Variants in MFAP3 observed in about 807,000 individuals in gnomAD.
MFAP3 encodes microfibril associated protein 3, also known as microfibril-associated glycoprotein 3.
In MFAP3, 8 loss-of-function variants were observed where a neutral mutation model predicts 20.5. The observed-to-expected ratio is 0.39, with a 90% CI of 0.23 to 0.70. The LOEUF is 0.70. Ranked by LOEUF, MFAP3 falls within the 30% of genes least tolerant of loss-of-function variation. MFAP3 has a pLI of 0.44. For synonymous variants in MFAP3, 140 were observed against 154.0 expected, an observed-to-expected ratio of 0.91 and a Z score of 0.67; for missense variants, 398 against 444.6, an observed-to-expected ratio of 0.90 and a Z score of 0.94.
In MFAP3 at chr5:154,053,120, A is replaced by G. The variant is rs1057342779; in HGVS notation, c.496A>G (p.Asn166Asp). Reference protein sequence around the residue: ...LIAFTITLILNVTRLCMMSSH... With the variant: ...LIAFTITLILDVTRLCMMSSH... ...TGCCTTTACAATCACACTCATCTTG[A>G]ATGTCACACGGCTGTGCATGATGAG... Residue 166 changes from asparagine to aspartate, a missense_variant, in exon 3 of 3, where the codon AAT (asparagine) becomes GAT (aspartate). Physicochemically the swap from Asn to Asp is conservative, Grantham distance 23. Coordinates refer to ENST00000522782, the MANE Select transcript of MFAP3 (RefSeq NM_005927.5). The G allele has an allele frequency of 3.1e-6, 5 of 1,613,880 alleles. No individual in the cohort carries two copies. Among genetic ancestry groups the G allele is most frequent in the Admixed American group, 1.7e-5 (1 of 59,954 alleles).
At chr5:154,046,882 C>T (rs1773081394) in intron 1 of MFAP3, among the ~76,000 whole-genome samples, 3 of 152,146 alleles carry the variant, frequency 2.0e-5, no homozygotes, top group South Asian at 2.1e-4. Flanking sequence ...AGTTGTTTGA[C>T]GTCTTCATCA....
chr5:154,051,221 C>G (rs1561590795), intron 2 of MFAP3, among the ~76,000 whole-genome samples: 2 of 152,188 alleles, frequency 1.3e-5, no homozygotes, highest in Non-Finnish European at 2.9e-5. Context: ...AACCAGACTC[C>G]TATCTTCTCT....
chr5:154,043,650 G>A (rs1357732616), intron 1 of MFAP3, among the ~76,000 whole-genome samples: 1 of 152,068 alleles, frequency 6.6e-6, no homozygotes, highest in Non-Finnish European at 1.5e-5. Context: ...TAAGAAGAAG[G>A]TGACACTTTG....
At chr5:154,040,202 G>A (rs62384061) in intron 1 of MFAP3, among the ~76,000 whole-genome samples, 2,194 of 152,218 alleles carry the variant, frequency 0.014, 18 homozygotes, top group Non-Finnish European at 0.024. Context: ...ACTTCAAAGG[G>A]TTTTTGTTTA....
chr5:154,043,275 C>T (rs759203175), intron 1 of MFAP3, among the ~76,000 whole-genome samples: 2 of 152,066 alleles, frequency 1.3e-5, no homozygotes, highest in Non-Finnish European at 2.9e-5. Flanking sequence ...ATAGGCTGGG[C>T]GCGGTGGCTC....
In MFAP3 at chr5:154,053,124, T is replaced by A; in HGVS notation, c.500T>A (p.Val167Asp). 6.2e-7 allele frequency: 1 copy of A among 1,613,916 alleles called. No homozygotes were observed. Among genetic ancestry groups the A allele is most frequent in the South Asian group, 1.1e-5 (1 of 91,068 alleles). ...IAFTITLILN[V>D]TRLCMMSSHL... is the part of the protein sequence containing the mutation. The stretch of plus-strand genomic sequence containing the variant: ...TTTACAATCACACTCATCTTGAATG[T>A]CACACGGCTGTGCATGATGAGCAGC... The change falls in exon 3 of 3, where the codon GTC becomes GAC. Residue 167 changes from valine (V) to aspartate (D), a missense_variant. Physicochemically the swap from Val to Asp is radical, Grantham distance 152. Coordinates refer to ENST00000522782, the MANE Select transcript of MFAP3 (RefSeq NM_005927.5).
In MFAP3 at chr5:154,040,948, A is replaced by T. The variant is rs1168555169; in HGVS notation, c.-167+1937A>T. 2.0e-5 allele frequency among the ~76,000 whole-genome samples: 3 copies of T among 152,278 alleles called. No individual in the cohort carries two copies. In the South Asian group the frequency reaches 6.2e-4, roughly 32 times the overall value. ...AGACACCTTTCACACTACCAAGTCGATGAGTGTCTGAACTCAAAATTTTGA... is the reference window on the plus strand; with the variant it reads ...AGACACCTTTCACACTACCAAGTCGTTGAGTGTCTGAACTCAAAATTTTGA... On this transcript the variant is annotated intron_variant, in intron 1 of 2. Transcript: ENST00000522782.
intron 1 of MFAP3, among the ~76,000 whole-genome samples, chr5:154,047,704 A>T (rs757761417): frequency 6.6e-6 from 1 of 152,216 alleles, no homozygotes; most frequent in Non-Finnish European, 1.5e-5. Flanking sequence ...AAATGAGTTG[A>T]TTTAAAAGAA....
chr5:154,047,614 T>C (rs537560561), intron 1 of MFAP3, among the ~76,000 whole-genome samples: 1 of 152,340 alleles, frequency 6.6e-6, no homozygotes, highest in Admixed American at 6.5e-5. Flanking sequence ...TTTGTTTTCA[T>C]TATGTTTATG....
At position 154,056,975 on chromosome 5, in the gene MFAP3, G is replaced by A. The variant is rs538038749; in HGVS notation, c.*3262G>A. Among the ~76,000 whole-genome samples the A allele has an allele frequency of 6.6e-6, 1 of 152,276 alleles. No individual in the cohort carries two copies. The highest frequency in any genetic ancestry group is 6.5e-5 in the Admixed American group (1 of 15,294). ...ATTTTAAGGTCAAAGCAATATCTGT[G>A]CACGGCTTTCCTTTTGCTCCTCCAG... On this transcript the variant is annotated 3_prime_UTR_variant, in exon 3 of 3. Transcript: ENST00000522782.
chr5:154,051,520 C>G (rs973828015), intron 2 of MFAP3, among the ~76,000 whole-genome samples: 37 of 152,292 alleles, frequency 2.4e-4, no homozygotes, highest in African/African-American at 7.9e-4. Flanking sequence ...GAGCTATTAT[C>G]AGCAAGTGAG....
Position 154,045,690 on chromosome 5 carries a change from T to C in MFAP3, c.-166-3867T>C, listed in dbSNP as rs532549923. Among the ~76,000 whole-genome samples the C allele has an allele frequency of 2.6e-5, 4 of 152,310 alleles. No homozygotes were observed. In the South Asian group the frequency reaches 8.3e-4, roughly 32 times the overall value. The stretch of plus-strand genomic sequence containing the variant: ...AGAATAGATTCTGTTATTTTGCCCA[T>C]TTTAAAGATGAGGGGCTGAGGCAGG... On this transcript the variant is annotated intron_variant, in intron 1 of 2. Coordinates refer to ENST00000522782, the MANE Select transcript of MFAP3 (RefSeq NM_005927.5).
intron 2 of MFAP3, chr5:154,052,064 A>G (rs941219308): frequency 6.6e-6 from 1 of 152,204 alleles, no homozygotes; most frequent in Non-Finnish European, 1.5e-5. Flanking sequence ...ATGTGAATCA[A>G]GATGCGTAGT....
chr5:154,046,692 G>C (rs537517121), intron 1 of MFAP3, among the ~76,000 whole-genome samples: 140 of 152,302 alleles, frequency 9.2e-4, no homozygotes, highest in Middle Eastern at 3.4e-3. Flanking sequence ...TGTTGGTGAG[G>C]ACACTCATTG....
At position 154,054,227 on chromosome 5, in the gene MFAP3, A is replaced by G. The variant is rs551849767; in HGVS notation, c.*514A>G. ...TTTGGAAAGGATTAAGCTGAGATCT[A>G]AATTTCCACACCAATGTCATAATGC... On this transcript the variant is annotated 3_prime_UTR_variant, in exon 3 of 3. Coordinates refer to ENST00000522782, the MANE Select transcript of MFAP3 (RefSeq NM_005927.5). The G allele has an allele frequency of 1.2e-5, 2 of 168,462 alleles. No individual in the cohort carries two copies. The highest frequency in any genetic ancestry group is 4.8e-5 in the African/African-American group (2 of 41,578). The allele number at this position is 168,462 out of a possible 1,614,324, so 10.4% of individuals were successfully genotyped here.
rs928860838 is a variant in MFAP3 at position 154,055,402 on chromosome 5, G to T, written c.*1689G>T. On this transcript the variant is annotated 3_prime_UTR_variant, in exon 3 of 3. Coordinates refer to ENST00000522782, the MANE Select transcript of MFAP3 (RefSeq NM_005927.5). ...TGCAGTTTTATCAGATGGCATCATG[G>T]ATAAAGATGATAATGCTGCCTTTTC... is the stretch of plus-strand genomic sequence containing the variant. 6.6e-6 allele frequency among the ~76,000 whole-genome samples: 1 copy of T among 152,138 alleles called. No homozygotes were observed. Among genetic ancestry groups the T allele is most frequent in the Non-Finnish European group, 1.5e-5 (1 of 68,030 alleles).
At chr5:154,040,041 T>A (rs966331665) in intron 1 of MFAP3, among the ~76,000 whole-genome samples, 1 of 152,190 alleles carries the variant, frequency 6.6e-6, no homozygotes, top group Non-Finnish European at 1.5e-5. Context: ...TTCCTCTGAT[T>A]TTCTGTTGTA....
chr5:154,044,073 T>C (rs1178206632), intron 1 of MFAP3, among the ~76,000 whole-genome samples: 1 of 152,244 alleles, frequency 6.6e-6, no homozygotes, highest in African/African-American at 2.4e-5. Flanking sequence ...GTTGGCTGTT[T>C]CTGGGCTGTC....
intron 1 of MFAP3, among the ~76,000 whole-genome samples, chr5:154,042,814 T>G (rs377349686): frequency 2.0e-4 from 29 of 145,852 alleles, no homozygotes; most frequent in African/African-American, 7.3e-4. Context: ...AGCACTAATA[T>G]CCCAATATAA....
Sources: allele counts gnomAD v4.1 joint callset (sites outside exome capture counted in the v4.1 genomes callset), GRCh38; gene constraint gnomAD v4.1.1; transcripts MANE v1.5; gene names NCBI Gene and HGNC (gene_info 2026-07-23, HGNC 2026-07-21).